Variants in SPHKAP observed in about 807,000 individuals in gnomAD.
SPHKAP encodes the protein A-kinase anchor protein SPHKAP.
A neutral mutation model predicts 137.5 loss-of-function variants in SPHKAP; 67 were observed. The ratio of observed to expected loss-of-function variants is 0.49; its 90% confidence interval spans 0.40 to 0.60. The LOEUF (loss-of-function observed/expected upper bound fraction) is 0.60, where lower values mean the gene tolerates loss of function less well. Among genes scored for constraint, SPHKAP ranks in the 20% least tolerant of loss-of-function variants. SPHKAP has a pLI of 0.00. For synonymous variants in SPHKAP, 813 were observed against 785.3 expected (o/e 1.04, Z -0.59); for missense variants, 2,097 against 2,069.3 (o/e 1.01, Z -0.26).
At chr2:228,028,097 A>G in intron 3 of SPHKAP, 11 of 980,826 alleles carry the variant, frequency 1.1e-5, no homozygotes, top group Non-Finnish European at 1.2e-5. Flanking sequence ...CCAACATACT[A>G]AAAAAGTCTG....
intron 3 of SPHKAP, among the ~76,000 whole-genome samples, chr2:228,054,291 T>C (rs1039849217): frequency 6.6e-6 from 1 of 152,096 alleles, no homozygotes; most frequent in Admixed American, 6.5e-5. Flanking sequence ...TCCCTTTAGA[T>C]AAAGTGCATA....
At chr2:228,079,207 C>T (rs571801683) in intron 3 of SPHKAP, among the ~76,000 whole-genome samples, 153 of 152,300 alleles carry the variant, frequency 1.0e-3, no homozygotes, top group African/African-American at 3.5e-3. Context: ...CTAGATCCCT[C>T]GCATATGCAG....
chr2:228,015,434 C>G (rs1391688960), intron 7 of SPHKAP, among the ~76,000 whole-genome samples: 1 of 151,964 alleles, frequency 6.6e-6, no homozygotes, highest in African/African-American at 2.4e-5. Context: ...TGGGTATATA[C>G]CCAGTAATGG....
intron 8 of SPHKAP, chr2:227,993,930 C>T: frequency 2.0e-6 from 1 of 511,484 alleles, no homozygotes. Flanking sequence ...AATCAGTCTG[C>T]CTCTTTTCTT....
chr2:228,151,678 A>T (rs1251912046), intron 1 of SPHKAP, among the ~76,000 whole-genome samples: 1 of 152,094 alleles, frequency 6.6e-6, no homozygotes, highest in South Asian at 2.1e-4. Flanking sequence ...AGTTTAAAAA[A>T]ATTTTTTTGT....
At chr2:228,095,686 AG>A (rs1387678883) in intron 3 of SPHKAP, among the ~76,000 whole-genome samples, 11 of 152,204 alleles carry the variant, frequency 7.2e-5, no homozygotes, top group Non-Finnish European at 1.3e-4. Flanking sequence ...ACATAGTGGC[AG>A]TTTGACAGGG....
At chr2:228,023,929 T>G (rs77249323) in intron 5 of SPHKAP, among the ~76,000 whole-genome samples, 14,452 of 152,150 alleles carry the variant, frequency 0.095, 764 homozygotes, top group Middle Eastern at 0.21. Context: ...AGACTTCTGC[T>G]GAAAACCACC....
chr2:228,120,040 T>C (rs1698856729), intron 2 of SPHKAP, among the ~76,000 whole-genome samples: 1 of 152,120 alleles, frequency 6.6e-6, no homozygotes, highest in African/African-American at 2.4e-5. Flanking sequence ...AATAATGGAG[T>C]TCTTTTAGCT....
At chr2:227,998,817 C>G (rs149925688) in intron 7 of SPHKAP, among the ~76,000 whole-genome samples, 106 of 152,304 alleles carry the variant, frequency 7.0e-4, no homozygotes, top group African/African-American at 2.4e-3. Context: ...CTTGGCCAAT[C>G]CTGCCTTTCC....
intron 2 of SPHKAP, among the ~76,000 whole-genome samples, chr2:228,131,486 CT>C (rs35512181): frequency 0.014 from 2,068 of 144,382 alleles, 19 homozygotes; most frequent in Middle Eastern, 0.025. Flanking sequence ...AGCATAGTTT[CT>C]TTTTTTTTTT....
chr2:228,004,743 T>C (rs1349281663), intron 7 of SPHKAP, among the ~76,000 whole-genome samples: 1 of 152,208 alleles, frequency 6.6e-6, no homozygotes, highest in Non-Finnish European at 1.5e-5. Context: ...TCCCAGAGAT[T>C]CTGGTATGTT....
intron 3 of SPHKAP, among the ~76,000 whole-genome samples, chr2:228,032,338 A>T (rs1695365794): frequency 6.6e-6 from 1 of 152,204 alleles, no homozygotes. Flanking sequence ...GAGAAAAAAG[A>T]ATTAAAAAAA....
chr2:228,046,904 C>T (rs1482985858), intron 3 of SPHKAP, among the ~76,000 whole-genome samples: 1 of 152,060 alleles, frequency 6.6e-6, no homozygotes, highest in Non-Finnish European at 1.5e-5. Context: ...TTTGGCATTC[C>T]CCAACCTCAT....
intron 1 of SPHKAP, among the ~76,000 whole-genome samples, chr2:228,133,392 A>G (rs1699327555): frequency 1.3e-5 from 2 of 152,296 alleles, no homozygotes; most frequent in South Asian, 4.1e-4. Context: ...GAAAATTATT[A>G]TCAAACTTTT....
intron 3 of SPHKAP, among the ~76,000 whole-genome samples, chr2:228,070,627 A>C (rs1477628403): frequency 1.3e-5 from 2 of 152,126 alleles, no homozygotes; most frequent in African/African-American, 4.8e-5. Context: ...TTTCTTTTAT[A>C]ATACATCGTC....
At chr2:228,174,512 C>G (rs1340085618) in intron 1 of SPHKAP, among the ~76,000 whole-genome samples, 3 of 152,182 alleles carry the variant, frequency 2.0e-5, no homozygotes, top group Admixed American at 1.3e-4. Flanking sequence ...CTCGGTCACT[C>G]ACTACATGAG....
At chr2:228,116,681 G>A (rs1698719485) in intron 2 of SPHKAP, among the ~76,000 whole-genome samples, 1 of 152,118 alleles carries the variant, frequency 6.6e-6, no homozygotes, top group Admixed American at 6.6e-5. Context: ...CTGTGGGTGA[G>A]CCCAAAGTTT....
rs987331220 is a variant in SPHKAP at position 228,069,418 on chromosome 2, C to CT, written c.246+39413dup. ...TGCCCTATTGACATTTACTAAATTT[C>CT]TTTTTTTTCCTCTTTTTTCTTTCTT... On this transcript the variant is annotated intron_variant, in intron 3 of 11. Coordinates refer to ENST00000392056, the MANE Select transcript of SPHKAP (RefSeq NM_001142644.2). Among the ~76,000 whole-genome samples the CT allele has an allele frequency of 5.4e-5, 8 of 148,744 alleles. No individual in the cohort carries two copies. The East Asian group carries it at 1.0e-3, about 19-fold the overall frequency.
intron 1 of SPHKAP, among the ~76,000 whole-genome samples, chr2:228,176,203 A>T (rs775150168): frequency 6.6e-6 from 1 of 152,232 alleles, no homozygotes; most frequent in Non-Finnish European, 1.5e-5. Context: ...TTCTGTAAGT[A>T]TAATGCTGCT....
Sources: gnomAD v4.1 joint callset for allele counts (sites outside exome capture counted in the v4.1 genomes callset) on GRCh38, gnomAD v4.1.1 for gene constraint, MANE v1.5 for transcripts, NCBI Gene and HGNC (gene_info 2026-07-23, HGNC 2026-07-21) for gene names.